The following SLC9D1 variants were observed in gnomAD, a reference collection of about 807,000 sequenced individuals.
The protein encoded by SLC9D1 is putative LAG1-interacting protein.
chr13:113,501,239 C>T, the SLC9D1 span, among the ~76,000 whole-genome samples: 2 of 152,202 alleles, frequency 1.3e-5, no homozygotes, highest in Non-Finnish European at 2.9e-5. Context: ...TCTGTGTCCA[C>T]GTGCTCTGCA....
chr13:113,496,043 AG>A, the SLC9D1 span: 1 of 1,172,430 alleles, frequency 8.5e-7, no homozygotes, highest in Non-Finnish European at 1.2e-6. Flanking sequence ...CTAGAGAGGG[AG>A]AGAGAGAGAG....
the SLC9D1 span, chr13:113,503,374 TG>T: frequency 1.6e-6 from 1 of 632,630 alleles, no homozygotes; most frequent in Non-Finnish European, 2.8e-6. Flanking sequence ...TGTGTGTGTG[TG>T]TGTGTGTGTA....
chr13:113,516,575 AAAAAGAAAAG>A, the SLC9D1 span, among the ~76,000 whole-genome samples: 2 of 149,986 alleles, frequency 1.3e-5, no homozygotes, highest in East Asian at 2.0e-4. Context: ...CAAAAAAAAA[AAAAAGAAAAG>A]AAAAGAAAAG....
chr13:113,514,531 T>G, the SLC9D1 span: 1 of 133,028 alleles, frequency 7.5e-6, no homozygotes, highest in Non-Finnish European at 1.5e-5. Flanking sequence ...GACCGAGTCT[T>G]GCAACAGGAA....
the SLC9D1 span, among the ~76,000 whole-genome samples, chr13:113,543,952 T>G: frequency 1.3e-5 from 2 of 152,192 alleles, no homozygotes; most frequent in African/African-American, 2.4e-5. Flanking sequence ...ATAGCTCACT[T>G]TTTTCTCTAA....
At chr13:113,548,340 C>G in the SLC9D1 span, 3 of 1,614,020 alleles carry the variant, frequency 1.9e-6, no homozygotes, top group Middle Eastern at 1.7e-4. Flanking sequence ...CTCATTCTGC[C>G]GAGGAGCAGC....
chr13:113,533,696 C>T, the SLC9D1 span, among the ~76,000 whole-genome samples: 10 of 152,280 alleles, frequency 6.6e-5, no homozygotes, highest in East Asian at 9.6e-4. Flanking sequence ...GGAGAGCAAC[C>T]GCTGCCTGGC....
chr13:113,541,431 C>T, the SLC9D1 span, among the ~76,000 whole-genome samples: 11 of 138,394 alleles, frequency 7.9e-5, no homozygotes, highest in African/African-American at 2.3e-4. Flanking sequence ...GCTTTAATAC[C>T]GCCGAGATAT....
the SLC9D1 span, chr13:113,524,193 TC>T: frequency 4.4e-6 from 2 of 455,962 alleles, no homozygotes; most frequent in Non-Finnish European, 4.4e-6. Context: ...GGTATTGAAG[TC>T]CCCCGTTAGA....
chr13:113,498,597 C>T, the SLC9D1 span: 1 of 1,185,254 alleles, frequency 8.4e-7, no homozygotes, highest in South Asian at 1.5e-5. Context: ...TGAAATTGTT[C>T]ACGTGTATGT....
chr13:113,543,115 AGC>A, the SLC9D1 span, among the ~76,000 whole-genome samples: 2 of 41,532 alleles, frequency 4.8e-5, no homozygotes, highest in African/African-American at 1.2e-4. Context: ...CCCTGCCCCC[AGC>A]CCTCCCTGTC....
At chr13:113,529,437 T>G in the SLC9D1 span, 1 of 151,874 alleles carries the variant, frequency 6.6e-6, no homozygotes, top group Non-Finnish European at 1.5e-5. Context: ...GATCACGAGG[T>G]CAGGAGATCG....
the SLC9D1 span, among the ~76,000 whole-genome samples, chr13:113,548,077 C>T: frequency 6.6e-6 from 1 of 152,110 alleles, no homozygotes; most frequent in Non-Finnish European, 1.5e-5. Flanking sequence ...GCTAATGAAC[C>T]GAAAGGCTTA....
chr13:113,519,187 G>A, the SLC9D1 span, among the ~76,000 whole-genome samples: 2 of 152,050 alleles, frequency 1.3e-5, no homozygotes, highest in Non-Finnish European at 2.9e-5. Flanking sequence ...GGGACTGCAG[G>A]TGCCCGCCAC....
At chr13:113,502,715 G>A in the SLC9D1 span, among the ~76,000 whole-genome samples, 1 of 152,198 alleles carries the variant, frequency 6.6e-6, no homozygotes. Flanking sequence ...CAGAGTGGGT[G>A]CCATGAGTCC....
At chr13:113,497,032 T>C in the SLC9D1 span, among the ~76,000 whole-genome samples, 2 of 152,264 alleles carry the variant, frequency 1.3e-5, no homozygotes, top group African/African-American at 2.4e-5. Flanking sequence ...ATTCTCCAGG[T>C]GCCGGTGACC....
the SLC9D1 span, among the ~76,000 whole-genome samples, chr13:113,532,059 G>A: frequency 2.0e-5 from 3 of 152,186 alleles, no homozygotes; most frequent in East Asian, 1.9e-4. Flanking sequence ...AGTGGGGATC[G>A]TACAGCTCTT....
At chr13:113,501,870 A>G in the SLC9D1 span, 20 of 1,610,470 alleles carry the variant, frequency 1.2e-5, no homozygotes, top group East Asian at 4.5e-4. Flanking sequence ...TCAGGACTAA[A>G]TAGTATTAAG....
the SLC9D1 span, among the ~76,000 whole-genome samples, chr13:113,522,288 G>A: frequency 0.024 from 3,645 of 152,302 alleles, 99 homozygotes; most frequent in East Asian, 0.12. Flanking sequence ...GGATTCTGTC[G>A]ATTGCTTTTT....
Sources: allele counts gnomAD v4.1 joint callset (sites outside exome capture counted in the v4.1 genomes callset), GRCh38; gene constraint gnomAD v4.1.1; transcripts MANE v1.5; gene names NCBI Gene and HGNC (gene_info 2026-07-23, HGNC 2026-07-21).